The following ACACB variants were observed in gnomAD, a reference collection of about 807,000 sequenced individuals.
ACACB encodes the protein acetyl-CoA carboxylase 2.
A neutral mutation model predicts 278.8 loss-of-function variants in ACACB; 209 were observed. The observed-to-expected ratio is 0.75, with a 90% CI of 0.67 to 0.84. The LOEUF (loss-of-function observed/expected upper bound fraction) is 0.84, where lower values mean the gene tolerates loss of function less well. Among genes scored for constraint, ACACB ranks in the 40% least tolerant of loss-of-function variants. ACACB has a pLI of 0.00. For missense variants in ACACB, 2,850 were observed against 3,269.0 expected, an observed-to-expected ratio of 0.87 and a Z score of 3.13; for synonymous variants, 1,174 against 1,285.6, an observed-to-expected ratio of 0.91 and a Z score of 1.86.
intron 42 of ACACB, among the ~76,000 whole-genome samples, 175 bp from the exon 43 acceptor site, chr12:109,252,840 T>G (rs2047131621): frequency 6.6e-6 from 1 of 152,186 alleles, no homozygotes; most frequent in Non-Finnish European, 1.5e-5. Flanking sequence ...CAAAAACTAA[T>G]TCCTCGAAGA....
intron 2 of ACACB, among the ~76,000 whole-genome samples, chr12:109,161,545 A>AAAAAT (rs915399868): frequency 1.6e-4 from 25 of 152,272 alleles, no homozygotes; most frequent in Non-Finnish European, 2.2e-4. Context: ...GCAGTCTCAG[A>AAAAAT]AAAATAAAAT....
chr12:109,159,355 T>C (rs2043647445), intron 2 of ACACB, among the ~76,000 whole-genome samples: 1 of 151,980 alleles, frequency 6.6e-6, no homozygotes, highest in Non-Finnish European at 1.5e-5. Context: ...AGGGAAGAAA[T>C]TGAAGGTCTG....
chr12:109,182,638 G>A (rs988118155), intron 11 of ACACB, among the ~76,000 whole-genome samples: 7 of 152,162 alleles, frequency 4.6e-5, no homozygotes, highest in Admixed American at 2.0e-4. Flanking sequence ...CCAAAGAGCT[G>A]GTGTTACAGG....
Position 109,230,080 on chromosome 12 carries a change from G to C in ACACB, c.4002-2589G>C, listed in dbSNP as rs371519344. On this transcript the variant is annotated intron_variant, in intron 28 of 52. Coordinates refer to ENST00000338432, the MANE Select transcript of ACACB (RefSeq NM_001093.4). ...TGATGTCATTGTGATTTGGGAGTTC[G>C]GTTGATCAGATCTGTACAGGCAATA... 2.8e-4 allele frequency among the ~76,000 whole-genome samples: 42 copies of C among 152,294 alleles called. No individual in the cohort carries two copies. The East Asian group carries it at 7.5e-3, about 27-fold the overall frequency.
chr12:109,186,182 C>T (rs1424844555), intron 12 of ACACB, among the ~76,000 whole-genome samples: 5 of 152,270 alleles, frequency 3.3e-5, no homozygotes, highest in South Asian at 2.1e-4. Context: ...CCACCCGCCT[C>T]GGCCTCCCAA....
At chr12:109,258,938 CAG>C in intron 46 of ACACB, 33 bp from the exon 47 acceptor site, 2 of 1,610,784 alleles carry the variant, frequency 1.2e-6, no homozygotes, top group Admixed American at 3.3e-5. Flanking sequence ...TGTGGTTGTG[CAG>C]AGACATCTGA....
At chr12:109,210,230 TATGTATATATGTATATATAC>T (rs2045733120) in intron 21 of ACACB, among the ~76,000 whole-genome samples, 1 of 7,234 alleles carries the variant, frequency 1.4e-4, no homozygotes, top group African/African-American at 6.1e-4. Context: ...CATGTGTGTA[TATGTATATATGTATATATAC>T]ACACATGTGT....
At chr12:109,194,098 C>T (rs1377948980) in intron 16 of ACACB, among the ~76,000 whole-genome samples, 2 of 152,160 alleles carry the variant, frequency 1.3e-5, no homozygotes, top group African/African-American at 2.4e-5. Flanking sequence ...GGATCTGTTC[C>T]GAGCCTCCCC....
At chr12:109,203,528 C>T (rs1480393870) in intron 19 of ACACB, among the ~76,000 whole-genome samples, 1 of 152,236 alleles carries the variant, frequency 6.6e-6, no homozygotes, top group Non-Finnish European at 1.5e-5. Context: ...ACTGGAAACA[C>T]CGTGAGAACA....
chr12:109,265,237 C>T lies in ACACB; in HGVS notation c.7070C>T (p.Ser2357Phe). The T allele has an allele frequency of 6.2e-7, 1 of 1,613,610 alleles. No individual in the cohort carries two copies. ...SGELSHVHIQ[S>F]MLRRWFVETE... ...GAGCTGAGTCACGTGCATATCCAGT[C>T]CATGCTGCGTCGCTGGTTCGTGGAG... Residue 2357 changes from serine to phenylalanine, a missense_variant, in exon 51 of 53, where the codon TCC becomes TTC. Physicochemically the swap from Ser to Phe is radical, Grantham distance 155. Transcript: ENST00000338432.
At chr12:109,260,423 G>C (rs1051562820) in intron 47 of ACACB, 57 bp from the exon 48 acceptor site, 13 of 1,605,138 alleles carry the variant, frequency 8.1e-6, no homozygotes, top group Non-Finnish European at 1.1e-5. Flanking sequence ...CTAGGGCAGT[G>C]GGTTTCATGT....
Position 109,172,366 on chromosome 12 carries a change from G to A in ACACB, c.1117+10G>A, listed in dbSNP as rs772847792. 31 of 1,613,362 alleles carry A rather than the reference G, an allele frequency of 1.9e-5. No individual in the cohort carries two copies. Among genetic ancestry groups the A allele is most frequent in the Non-Finnish European group, 2.3e-5 (27 of 1,179,482 alleles). ...GGAGTTGCTTTCTTAGGTAGAGTGT[G>A]TCCCCATCAGATACATGGGAATTGG... On this transcript the variant is annotated intron_variant, in intron 6 of 52. Transcript: ENST00000338432.
intron 22 of ACACB, among the ~76,000 whole-genome samples, chr12:109,215,971 G>T (rs549904954): frequency 1.3e-5 from 2 of 151,662 alleles, no homozygotes; most frequent in Non-Finnish European, 2.9e-5. Flanking sequence ...TAATTTTTTT[G>T]ATTTTTTTGT....
chr12:109,128,924 C>G (rs112987804), intron 1 of ACACB, among the ~76,000 whole-genome samples: 3 of 152,010 alleles, frequency 2.0e-5, no homozygotes, highest in Admixed American at 6.5e-5. Context: ...AGGCATGAGC[C>G]ACTGTGTCTG....
At chr12:109,200,955 T>G (rs10849926) in intron 18 of ACACB, among the ~76,000 whole-genome samples, 136,285 of 152,016 alleles carry the variant, frequency 0.9, 61,135 homozygotes, top group Middle Eastern at 0.94. Flanking sequence ...GAGGTATTGG[T>G]GGGGGCAGTT....
At chr12:109,232,577 G>A (rs1175143970) in intron 28 of ACACB, 92 bp from the exon 29 acceptor site, 7 of 1,478,374 alleles carry the variant, frequency 4.7e-6, no homozygotes, top group Non-Finnish European at 6.5e-6. Context: ...TCTAAATCTG[G>A]TCCAGCTCAC....
chr12:109,248,522 G>T (rs1294796775), intron 40 of ACACB, among the ~76,000 whole-genome samples: 1 of 152,114 alleles, frequency 6.6e-6, no homozygotes, highest in Non-Finnish European at 1.5e-5. Flanking sequence ...ACTGGCGTGA[G>T]TCCAAGAGTC....
At chr12:109,122,920 T>C (rs943376926) in intron 1 of ACACB, among the ~76,000 whole-genome samples, 1 of 152,098 alleles carries the variant, frequency 6.6e-6, no homozygotes, top group African/African-American at 2.4e-5. Context: ...CAGTGGCTCA[T>C]GCCTGTAATC....
chr12:109,199,551 A>G lies in ACACB; in HGVS notation c.2777A>G (p.Glu926Gly). The G allele has an allele frequency of 6.8e-7, 1 of 1,464,430 alleles. No individual in the cohort carries two copies. 90.7% of individuals were successfully genotyped at this position (1,464,430 alleles called of 1,614,324 possible). Residue 926 changes from glutamate to glycine, a missense_variant and splice_region_variant, in exon 18 of 53, where the codon GAG (glutamate) becomes GGG (glycine). Transcript: ENST00000338432. ...GCTGGGAGCAGCTACGCTGAGATGGAGGTGACTGCAGAGCCGGCCGTGGGG... is the reference window on the plus strand; with the variant it reads ...GCTGGGAGCAGCTACGCTGAGATGGGGGTGACTGCAGAGCCGGCCGTGGGG... ...VEAGSSYAEM[E>G]VMKMIMTLNV...
Sources: allele counts gnomAD v4.1 joint callset (sites outside exome capture counted in the v4.1 genomes callset), GRCh38; gene constraint gnomAD v4.1.1; transcripts MANE v1.5; gene names NCBI Gene and HGNC (gene_info 2026-07-23, HGNC 2026-07-21).